The following ZCCHC7 variants were observed in gnomAD, a reference collection of about 807,000 sequenced individuals.
The protein encoded by ZCCHC7 is zinc finger CCHC-type containing 7, also known as zinc finger CCHC domain-containing protein 7.
A neutral mutation model predicts 52.0 loss-of-function variants in ZCCHC7; 35 were observed. That is an observed-to-expected ratio of 0.67 (90% confidence interval 0.51 to 0.89). ZCCHC7 has a LOEUF of 0.89. Among genes scored for constraint, ZCCHC7 ranks in the 40% least tolerant of loss-of-function variants. The probability of loss-of-function intolerance (pLI) is 0.00; values close to 1 mark genes in which losing one functional copy is unlikely to be tolerated. For missense variants in ZCCHC7, 574 were observed against 649.1 expected (o/e 0.88, Z 1.26); for synonymous variants, 217 against 221.5 (o/e 0.98, Z 0.18).
intron 2 of ZCCHC7, among the ~76,000 whole-genome samples, chr9:37,196,592 C>T (rs1823300151): frequency 6.6e-6 from 1 of 152,050 alleles, no homozygotes; most frequent in African/African-American, 2.4e-5. Flanking sequence ...TTTTTCTTTG[C>T]TATCTAGCTT....
chr9:37,128,611 A>G (rs1402144461), intron 2 of ZCCHC7, among the ~76,000 whole-genome samples: 1 of 152,248 alleles, frequency 6.6e-6, no homozygotes, highest in Non-Finnish European at 1.5e-5. Context: ...TATGTGAGAA[A>G]TAGTGTTTAT....
At chr9:37,237,139 G>A (rs1178407399) in intron 2 of ZCCHC7, among the ~76,000 whole-genome samples, 3 of 152,164 alleles carry the variant, frequency 2.0e-5, no homozygotes, top group Non-Finnish European at 4.4e-5. Flanking sequence ...TCAACCTGGA[G>A]TTCCTTAAAA....
intron 5 of ZCCHC7, among the ~76,000 whole-genome samples, chr9:37,306,810 C>T (rs1442653137): frequency 9.8e-5 from 5 of 50,808 alleles, no homozygotes; most frequent in African/African-American, 3.6e-4. Flanking sequence ...TTTTTGGAGA[C>T]AGGGTCTCGC....
chr9:37,272,247 A>G (rs1158506001), intron 2 of ZCCHC7, among the ~76,000 whole-genome samples: 1 of 152,130 alleles, frequency 6.6e-6, no homozygotes, highest in Non-Finnish European at 1.5e-5. Context: ...TGGTGATTTG[A>G]CCAGTAAATG....
At chr9:37,234,164 C>T (rs574201201) in intron 2 of ZCCHC7, among the ~76,000 whole-genome samples, 11 of 152,282 alleles carry the variant, frequency 7.2e-5, no homozygotes, top group East Asian at 1.9e-4. Flanking sequence ...CCACCACGCC[C>T]GGCCAGGATA....
chr9:37,152,572 T>A (rs899149967), intron 2 of ZCCHC7, among the ~76,000 whole-genome samples: 2 of 152,224 alleles, frequency 1.3e-5, no homozygotes, highest in African/African-American at 4.8e-5. Context: ...ATGTCAGTTT[T>A]GAGGAATGTT....
intron 2 of ZCCHC7, among the ~76,000 whole-genome samples, chr9:37,236,363 TCA>T (rs1450921660): frequency 1.3e-5 from 2 of 151,812 alleles, no homozygotes; most frequent in Admixed American, 1.3e-4. Context: ...TAACCAAGGC[TCA>T]CAGGGTATTT....
intron 7 of ZCCHC7, 136 bp downstream of exon 7, chr9:37,349,588 C>A (rs1312762279): frequency 4.8e-6 from 4 of 826,096 alleles, no homozygotes; most frequent in Non-Finnish European, 3.8e-6. Context: ...ATATTTTCAA[C>A]TGGTTTACCC....
intron 2 of ZCCHC7, among the ~76,000 whole-genome samples, chr9:37,172,335 C>T (rs1401299016): frequency 6.6e-6 from 1 of 151,996 alleles, no homozygotes; most frequent in African/African-American, 2.4e-5. Context: ...TCTTTTATAC[C>T]TTCACTTTTG....
At chr9:37,185,072 C>A (rs1241415923) in intron 2 of ZCCHC7, among the ~76,000 whole-genome samples, 1 of 152,090 alleles carries the variant, frequency 6.6e-6, no homozygotes, top group Non-Finnish European at 1.5e-5. Flanking sequence ...GTCCCCTTGA[C>A]CCGTACTTCG....
chr9:37,182,859 G>A (rs1177450845), intron 2 of ZCCHC7, among the ~76,000 whole-genome samples: 2 of 152,206 alleles, frequency 1.3e-5, no homozygotes, highest in East Asian at 1.9e-4. Flanking sequence ...CTGGGCACAT[G>A]TTTGCAATCC....
intron 2 of ZCCHC7, among the ~76,000 whole-genome samples, chr9:37,203,465 C>A (rs1343549736): frequency 6.6e-6 from 1 of 152,106 alleles, no homozygotes; most frequent in African/African-American, 2.4e-5. Flanking sequence ...GCTCTCTCTC[C>A]CCTTGCCCCT....
intron 2 of ZCCHC7, among the ~76,000 whole-genome samples, chr9:37,226,552 G>A (rs1274418617): frequency 6.6e-6 from 1 of 152,136 alleles, no homozygotes; most frequent in East Asian, 1.9e-4. Flanking sequence ...GAATCTAGTA[G>A]ATTTACATAA....
intron 2 of ZCCHC7, among the ~76,000 whole-genome samples, chr9:37,223,866 C>G (rs766271946): frequency 1.3e-5 from 2 of 151,912 alleles, no homozygotes; most frequent in Non-Finnish European, 2.9e-5. Flanking sequence ...TATGATTTAA[C>G]AAGTGAAAAT....
chr9:37,267,327 G>GCTTTC (rs1173939922), intron 2 of ZCCHC7, among the ~76,000 whole-genome samples: 35 of 152,234 alleles, frequency 2.3e-4, no homozygotes, highest in African/African-American at 8.4e-4. Flanking sequence ...CCCTCTTGCT[G>GCTTTC]AAAGTGTTCT....
intron 2 of ZCCHC7, among the ~76,000 whole-genome samples, chr9:37,175,315 C>T (rs1821958771): frequency 6.6e-6 from 1 of 152,054 alleles, no homozygotes; most frequent in Non-Finnish European, 1.5e-5. Context: ...AAACTGAGGA[C>T]TGATGTTCAT....
Position 37,256,298 on chromosome 9 carries a change from G to A in ZCCHC7, c.611-45890G>A, listed in dbSNP as rs528465501. Among the ~76,000 whole-genome samples the A allele has an allele frequency of 5.3e-5, 8 of 152,190 alleles. No homozygotes were observed. The South Asian group carries it at 1.0e-3, about 20-fold the overall frequency. On this transcript the variant is annotated intron_variant, in intron 2 of 8. Transcript: ENST00000336755. The stretch of plus-strand genomic sequence containing the variant: ...ACAGCCTACAATGGTAGTTCTCATC[G>A]TGTGGTCTGTGTACCTCTGGGAGTC...
At chr9:37,252,226 C>T (rs577856429) in intron 2 of ZCCHC7, among the ~76,000 whole-genome samples, 1 of 152,008 alleles carries the variant, frequency 6.6e-6, no homozygotes, top group Non-Finnish European at 1.5e-5. Context: ...GTTTGTTTTT[C>T]TTTGTGATTT....
At chr9:37,308,661 C>G (rs1181121123) in intron 5 of ZCCHC7, among the ~76,000 whole-genome samples, 1 of 151,936 alleles carries the variant, frequency 6.6e-6, no homozygotes, top group Non-Finnish European at 1.5e-5. Flanking sequence ...ATCAGCTGCT[C>G]AGGAGGCTAA....
Sources: gnomAD v4.1 joint callset for allele counts (sites outside exome capture counted in the v4.1 genomes callset) on GRCh38, gnomAD v4.1.1 for gene constraint, MANE v1.5 for transcripts, NCBI Gene and HGNC (gene_info 2026-07-23, HGNC 2026-07-21) for gene names.